THRB: variants seen among roughly 807,000 people sequenced by gnomAD.
The protein encoded by THRB is nuclear receptor subfamily 1 group A member 2.
A neutral mutation model predicts 47.8 loss-of-function variants in THRB; 12 were observed. That is an observed-to-expected ratio of 0.25 (90% CI 0.16 to 0.41). The LOEUF (loss-of-function observed/expected upper bound fraction) is 0.41. Ranked by LOEUF, THRB falls within the 10% of genes least tolerant of loss-of-function variation. The pLI, the probability that THRB is intolerant of heterozygous loss-of-function variation, is 1.00. For missense variants in THRB, 348 were observed against 589.2 expected (o/e 0.59, Z 4.24); for synonymous variants, 218 against 212.2 (o/e 1.03, Z -0.24).
At chr3:24,140,578 C>CTTAT (rs1442404647) in intron 8 of THRB, among the ~76,000 whole-genome samples, 2 of 151,982 alleles carry the variant, frequency 1.3e-5, no homozygotes, top group Non-Finnish European at 1.5e-5. Flanking sequence ...TTTTATTATT[C>CTTAT]TTATTTTTTA....
chr3:24,317,590 A>C (rs561143320), intron 2 of THRB, among the ~76,000 whole-genome samples: 17 of 152,202 alleles, frequency 1.1e-4, no homozygotes, highest in Admixed American at 3.3e-4. Flanking sequence ...TGCACTGGCT[A>C]GGGTGTTGGG....
chr3:24,189,991 T>C (rs775052085), intron 5 of THRB, 83 bp downstream of exon 5: 98 of 1,359,450 alleles, frequency 7.2e-5, no homozygotes, highest in Non-Finnish European at 1.0e-4. Flanking sequence ...GGAAGAGAAA[T>C]GTAGATGAAG....
intron 2 of THRB, among the ~76,000 whole-genome samples, chr3:24,297,781 G>A (rs763281744): frequency 6.6e-6 from 1 of 152,118 alleles, no homozygotes; most frequent in African/African-American, 2.4e-5. Context: ...CTGGATGCTC[G>A]GGTCACACAT....
chr3:24,208,417 C>T (rs1483975831), intron 4 of THRB, among the ~76,000 whole-genome samples: 17 of 152,170 alleles, frequency 1.1e-4, no homozygotes, highest in Non-Finnish European at 2.5e-4. Flanking sequence ...AAGAACAAAG[C>T]TGGAGGCATC....
At chr3:24,406,069 T>G (rs992938348) in intron 1 of THRB, among the ~76,000 whole-genome samples, 6 of 151,688 alleles carry the variant, frequency 4.0e-5, no homozygotes, top group African/African-American at 7.2e-5. Context: ...TATTAAATGC[T>G]TGACAGTTTT....
chr3:24,123,981 A>T lies in THRB; in HGVS notation c.1145-856T>A, dbSNP rs72619909. 4.0e-3 allele frequency among the ~76,000 whole-genome samples: 615 copies of T among 152,346 alleles called. 9 individuals are homozygous for T. The South Asian group carries it at 0.051, about 13-fold the overall frequency. ...GGCAACTGGGGAATAGTTGGGCTGC[A>T]GACACTTGGCTGACAAAAATAATCT... is the stretch of plus-strand genomic sequence containing the variant. On this transcript the variant is annotated intron_variant, in intron 10 of 10. Transcript: ENST00000646209.
chr3:24,158,346 TAAAG>T (rs1559477137), intron 5 of THRB, among the ~76,000 whole-genome samples: 1 of 146,642 alleles, frequency 6.8e-6, no homozygotes, highest in Non-Finnish European at 1.5e-5. Context: ...TTTTCATAAA[TAAAG>T]AAATATTTCA....
At chr3:24,357,801 G>T (rs758740534) in intron 1 of THRB, among the ~76,000 whole-genome samples, 18 of 152,054 alleles carry the variant, frequency 1.2e-4, no homozygotes, top group Non-Finnish European at 2.4e-4. Flanking sequence ...AAACTACGCT[G>T]TACTGGTGGA....
chr3:24,259,142 G>A (rs1193962935), intron 3 of THRB, among the ~76,000 whole-genome samples: 1 of 152,140 alleles, frequency 6.6e-6, no homozygotes, highest in South Asian at 2.1e-4. Context: ...TGGAGCATCA[G>A]TCTCGACAGA....
chr3:24,173,318 T>C (rs775643967), intron 5 of THRB, among the ~76,000 whole-genome samples: 4 of 152,210 alleles, frequency 2.6e-5, no homozygotes, highest in African/African-American at 4.8e-5. Context: ...GTTGGTTTTC[T>C]CCTGGTCCTG....
chr3:24,249,030 C>A (rs2050393154), intron 3 of THRB, among the ~76,000 whole-genome samples: 1 of 152,134 alleles, frequency 6.6e-6, no homozygotes, highest in Non-Finnish European at 1.5e-5. Flanking sequence ...CTGACTGCTG[C>A]ATGTCAGTGC....
At chr3:24,385,142 G>T (rs909064832) in intron 1 of THRB, among the ~76,000 whole-genome samples, 4 of 152,044 alleles carry the variant, frequency 2.6e-5, no homozygotes, top group Admixed American at 1.3e-4. Context: ...GATATAATAA[G>T]AATTCCATTA....
chr3:24,190,831 C>G (rs866437152), intron 4 of THRB, among the ~76,000 whole-genome samples: 4 of 151,128 alleles, frequency 2.6e-5, no homozygotes, highest in African/African-American at 9.8e-5. Flanking sequence ...GTGGCCACAC[C>G]GAGAGTGGCA....
intron 5 of THRB, among the ~76,000 whole-genome samples, chr3:24,174,546 A>G (rs184656695): frequency 6.6e-6 from 1 of 152,258 alleles, no homozygotes; most frequent in Non-Finnish European, 1.5e-5. Flanking sequence ...CACAACCCCA[A>G]TCCTAGCTTG....
intron 1 of THRB, among the ~76,000 whole-genome samples, chr3:24,345,722 CA>C (rs1398267410): frequency 1.3e-5 from 2 of 151,980 alleles, no homozygotes; most frequent in African/African-American, 4.8e-5. Flanking sequence ...ATGCTGAACT[CA>C]ATACAAAAAC....
chr3:24,413,297 GTTA>G, intron 1 of THRB, among the ~76,000 whole-genome samples: 1 of 151,894 alleles, frequency 6.6e-6, no homozygotes, highest in South Asian at 2.1e-4. Flanking sequence ...ACAATATGAG[GTTA>G]AAAAGTTGCT....
intron 1 of THRB, among the ~76,000 whole-genome samples, chr3:24,401,821 C>G (rs9831766): frequency 0.99 from 150,691 of 152,038 alleles, 74,705 homozygotes; most frequent in Non-Finnish European, 1. Flanking sequence ...CAGAATAAGA[C>G]GCTCTAGGGT....
chr3:24,406,879 A>T (rs2067868479), intron 1 of THRB, among the ~76,000 whole-genome samples: 1 of 151,912 alleles, frequency 6.6e-6, no homozygotes, highest in African/African-American at 2.4e-5. Flanking sequence ...AGTGCCATCC[A>T]ACCATCTACA....
intron 1 of THRB, among the ~76,000 whole-genome samples, chr3:24,426,436 T>G (rs1162390567): frequency 6.6e-6 from 1 of 151,928 alleles, no homozygotes; most frequent in Non-Finnish European, 1.5e-5. Context: ...GTGATTCACC[T>G]CATTTTATTA....
Sources: allele counts gnomAD v4.1 joint callset (sites outside exome capture counted in the v4.1 genomes callset), GRCh38; gene constraint gnomAD v4.1.1; transcripts MANE v1.5; gene names NCBI Gene and HGNC (gene_info 2026-07-23, HGNC 2026-07-21).